SCN10A: variants seen among roughly 807,000 people sequenced by gnomAD.
SCN10A encodes the protein sodium voltage-gated channel alpha subunit 10.
Under a neutral mutation model 170.7 loss-of-function variants are expected in SCN10A, and 162 were observed. The ratio of observed to expected loss-of-function variants is 0.95; its 90% CI spans 0.84 to 1.08. The LOEUF is 1.08. Ranked by LOEUF, SCN10A falls within the 50% of genes least tolerant of loss-of-function variation. SCN10A has a pLI of 0.00. For missense variants in SCN10A, 2,527 were observed against 2,436.9 expected, an observed-to-expected ratio of 1.04 and a Z score of -0.78; for synonymous variants, 985 against 904.6, an observed-to-expected ratio of 1.09 and a Z score of -1.59.
At chr3:38,737,881 C>G (rs1317155941) in intron 15 of SCN10A, among the ~76,000 whole-genome samples, 2 of 130,038 alleles carry the variant, frequency 1.5e-5, no homozygotes, top group Non-Finnish European at 3.2e-5. Flanking sequence ...CCCTCTTGCT[C>G]TCTCTCTTTC....
At chr3:38,807,317 T>C (rs2064410657) in intron 1 of SCN10A, among the ~76,000 whole-genome samples, 1 of 152,180 alleles carries the variant, frequency 6.6e-6, no homozygotes, top group African/African-American at 2.4e-5. Context: ...ACAGGTTTAA[T>C]TAGGTGATGT....
chr3:38,713,811 A>G (rs913242183), intron 22 of SCN10A, 147 bp downstream of exon 22: 1 of 860,820 alleles, frequency 1.2e-6, no homozygotes, highest in African/African-American at 1.7e-5. Context: ...TACTTTTAGC[A>G]GAGACAGGGT....
At chr3:38,703,308 C>G (rs1057339031) in intron 26 of SCN10A, among the ~76,000 whole-genome samples, 2 of 152,236 alleles carry the variant, frequency 1.3e-5, no homozygotes, top group African/African-American at 4.8e-5. Flanking sequence ...GTGCATTACT[C>G]TTTGTCTCTT....
At chr3:38,794,208 G>A (rs1364572271) in intron 1 of SCN10A, among the ~76,000 whole-genome samples, 166 bp from the exon 2 acceptor site, 1 of 152,004 alleles carries the variant, frequency 6.6e-6, no homozygotes, top group Non-Finnish European at 1.5e-5. Flanking sequence ...CCCCTGCAAG[G>A]CATTCAGGGG....
intron 11 of SCN10A, among the ~76,000 whole-genome samples, chr3:38,753,063 A>T (rs879497560): frequency 6.6e-6 from 1 of 152,232 alleles, no homozygotes; most frequent in Non-Finnish European, 1.5e-5. Flanking sequence ...GTACAGTGCA[A>T]TGAGTTTCTA....
rs780003258 is a variant in SCN10A, at chr3:38,709,621, A to C, written c.4144-6T>G. 1 of 1,593,998 alleles carries C rather than the reference A, an allele frequency of 6.3e-7. No homozygotes were observed. The highest frequency in any genetic ancestry group is 8.5e-7 in the Non-Finnish European group (1 of 1,170,236). On this transcript the variant is annotated splice_region_variant and splice_polypyrimidine_tract_variant and intron_variant, in intron 24 of 27. Coordinates refer to ENST00000449082, the MANE Select transcript of SCN10A (RefSeq NM_006514.4). Reference sequence around the variant, plus strand: ...CACTTGGGTTGCATGTTGACCTGTGACCAGACAAGGGAGAGTGGGAAGGAG... The same window carrying C: ...CACTTGGGTTGCATGTTGACCTGTGCCCAGACAAGGGAGAGTGGGAAGGAG...
intron 11 of SCN10A, among the ~76,000 whole-genome samples, chr3:38,753,924 C>G (rs2063775268): frequency 6.6e-6 from 1 of 152,166 alleles, no homozygotes; most frequent in Non-Finnish European, 1.5e-5. Flanking sequence ...CCTCCTGGGT[C>G]TCTTCTATAT....
intron 1 of SCN10A, among the ~76,000 whole-genome samples, chr3:38,795,022 C>G (rs2064329980): frequency 6.6e-6 from 1 of 152,080 alleles, no homozygotes; most frequent in Non-Finnish European, 1.5e-5. Flanking sequence ...TATCTCATAT[C>G]TACCTCATTT....
Position 38,760,664 on chromosome 3 carries a change from A to G in SCN10A, c.950+17T>C, listed in dbSNP as rs188914048. 5,376 of 1,608,242 alleles carry G rather than the reference A, an allele frequency of 3.3e-3. 14 individuals carry two copies. Among genetic ancestry groups the G allele is most frequent in the Non-Finnish European group, 4.1e-3 (4,845 of 1,174,632 alleles). On this transcript the variant is annotated intron_variant, in intron 8 of 27. Coordinates refer to ENST00000449082, the MANE Select transcript of SCN10A (RefSeq NM_006514.4). ...AATTGTTGGGCACTCGTGCTTTGTC[A>G]TAAGTTGGGAACTCACCCTGAGTCA...
Position 38,712,216 on chromosome 3 carries a change from T to C in SCN10A, c.4034A>G (p.Asn1345Ser), listed in dbSNP as rs767609550. Residue 1345 changes from asparagine to serine, a missense_variant, in exon 23 of 28, where the codon AAT becomes AGT. Coordinates refer to ENST00000449082, the MANE Select transcript of SCN10A (RefSeq NM_006514.4). ...QNSTGSFFWV[N>S]VKVNFDNVAM... is the part of the protein sequence containing the mutation. ...AACATTATCAAAGTTGACTTTCACA[T>C]TGACCCAGAAGAAGCTGCCAGTGGA... The C allele has an allele frequency of 5.0e-6, 8 of 1,614,106 alleles. No individual in the cohort carries two copies. In the Admixed American group the frequency reaches 6.7e-5, roughly 13 times the overall value.
At chr3:38,775,094 T>C (rs1330419622) in intron 4 of SCN10A, among the ~76,000 whole-genome samples, 3 of 152,206 alleles carry the variant, frequency 2.0e-5, no homozygotes, top group Admixed American at 6.5e-5. Context: ...ATGCATAATA[T>C]ACATAACATA....
rs564189021 is a variant in SCN10A at position 38,710,163 on chromosome 3, CTT to C, written c.4144-550_4144-549del. Among the ~76,000 whole-genome samples, 412 of 151,944 alleles carry C rather than the reference CTT, an allele frequency of 2.7e-3. 2 individuals are homozygous for C. Among genetic ancestry groups the C allele is most frequent in the African/African-American group, 9.2e-3 (382 of 41,324 alleles). On this transcript the variant is annotated intron_variant, in intron 24 of 27. Transcript: ENST00000449082. ...TCTCCCCAGCCTGGCTTTTTCTTTT[CTT>C]TTCTTTTTTTTTGAGATTGAGTCTC...
In SCN10A at chr3:38,761,266, C is replaced by T; in HGVS notation, c.809G>A (p.Gly270Asp). Residue 270 changes from glycine to aspartate, a missense_variant, in exon 7 of 28, where the codon GGC becomes GAC. Coordinates refer to ENST00000449082, the MANE Select transcript of SCN10A (RefSeq NM_006514.4). ...CTTGACACATTTATTTTTGAGGTTG[C>T]CCTTGAAGAGTTGCAGCCCCACCAA... is the stretch of plus-strand genomic sequence containing the variant. ...FALVGLQLFK[G>D]NLKNKCVKND... 6 of 1,613,896 alleles carry T rather than the reference C, an allele frequency of 3.7e-6. No homozygotes were observed. The highest frequency in any genetic ancestry group is 4.2e-6 in the Non-Finnish European group (5 of 1,179,922).
chr3:38,741,508 GGTT>G (rs1388526038), intron 14 of SCN10A, among the ~76,000 whole-genome samples: 1 of 152,154 alleles, frequency 6.6e-6, no homozygotes, highest in Non-Finnish European at 1.5e-5. Context: ...TACCATGTAG[GGTT>G]GTTGTGAAAA....
chr3:38,747,308 C>T (rs1043582197), intron 13 of SCN10A, among the ~76,000 whole-genome samples: 4 of 152,296 alleles, frequency 2.6e-5, no homozygotes, highest in South Asian at 4.2e-4. Context: ...CCGCCAACCA[C>T]CCAAATATCA....
chr3:38,744,311 G>A (rs1223546387), intron 13 of SCN10A, among the ~76,000 whole-genome samples: 1 of 151,770 alleles, frequency 6.6e-6, no homozygotes, highest in Non-Finnish European at 1.5e-5. Context: ...CACTTGCAGT[G>A]TTTAGGGTTT....
At chr3:38,712,017 G>T in intron 23 of SCN10A, 144 bp downstream of exon 23, 1 of 749,414 alleles carries the variant, frequency 1.3e-6, no homozygotes, top group Non-Finnish European at 2.2e-6. Flanking sequence ...TCATGGTGTA[G>T]TCTGTAGGAA....
chr3:38,706,033 G>A (rs1284899658), intron 26 of SCN10A, among the ~76,000 whole-genome samples: 1 of 152,138 alleles, frequency 6.6e-6, no homozygotes, highest in Admixed American at 6.5e-5. Flanking sequence ...TTGATTGTAT[G>A]GGTGATTTAG....
intron 21 of SCN10A, among the ~76,000 whole-genome samples, chr3:38,714,493 T>C (rs1347240614): frequency 6.6e-6 from 1 of 152,178 alleles, no homozygotes; most frequent in Non-Finnish European, 1.5e-5. Context: ...CTGAGGAATA[T>C]AGTAATCTGA....
Sources: gnomAD v4.1 joint callset for allele counts (sites outside exome capture counted in the v4.1 genomes callset) on GRCh38, gnomAD v4.1.1 for gene constraint, MANE v1.5 for transcripts, NCBI Gene and HGNC (gene_info 2026-07-23, HGNC 2026-07-21) for gene names.